Variants in RBFOX1 observed in about 807,000 individuals in gnomAD.
RBFOX1 encodes RNA binding fox-1 homolog 1.
RBFOX1 carries 8 observed loss-of-function variants against 57.7 expected under a neutral mutation model. That is an observed-to-expected ratio of 0.14 (90% CI 0.08 to 0.25). The LOEUF (loss-of-function observed/expected upper bound fraction) is 0.25. RBFOX1 is among the 10% of genes least tolerant of loss of function. RBFOX1 has a pLI of 1.00. For synonymous variants in RBFOX1, 326 were observed against 222.4 expected, an observed-to-expected ratio of 1.47 and a Z score of -4.15; for missense variants, 611 against 548.5, an observed-to-expected ratio of 1.11 and a Z score of -1.14.
intron 3 of RBFOX1, among the ~76,000 whole-genome samples, chr16:6,826,848 C>G (rs1353753716): frequency 6.6e-6 from 1 of 151,954 alleles, no homozygotes; most frequent in Non-Finnish European, 1.5e-5. Context: ...AATTGAAATC[C>G]TCAAACGCAG....
chr16:6,735,168 TCAA>T (rs1160248832), intron 3 of RBFOX1, among the ~76,000 whole-genome samples: 2 of 137,118 alleles, frequency 1.5e-5, no homozygotes, highest in Admixed American at 7.1e-5. Context: ...AACAACAACA[TCAA>T]CAACAACAAC....
At chr16:7,478,282 G>A (rs543605930) in intron 4 of RBFOX1, among the ~76,000 whole-genome samples, 8 of 152,310 alleles carry the variant, frequency 5.3e-5, no homozygotes, top group African/African-American at 1.9e-4. Context: ...AGAACACAAA[G>A]AGGGCAGAGA....
intron 4 of RBFOX1, among the ~76,000 whole-genome samples, chr16:7,263,741 C>CA (rs375284461): frequency 6.6e-6 from 1 of 151,826 alleles, no homozygotes; most frequent in East Asian, 1.9e-4. Context: ...ACTAAAAATA[C>CA]AAAAATTAGC....
chr16:6,364,095 C>G (rs565885714), intron 2 of RBFOX1, among the ~76,000 whole-genome samples: 1 of 152,164 alleles, frequency 6.6e-6, no homozygotes, highest in East Asian at 1.9e-4. Flanking sequence ...AAGGTTTAGC[C>G]TACCCCTCTT....
At chr16:7,703,730 A>T (rs189778017) in intron 14 of RBFOX1, among the ~76,000 whole-genome samples, 123 of 152,318 alleles carry the variant, frequency 8.1e-4, no homozygotes, top group African/African-American at 2.8e-3. Context: ...ACACGGGTTT[A>T]TATTCCCATT....
intron 1 of RBFOX1, among the ~76,000 whole-genome samples, chr16:5,295,435 C>T (rs185300538): frequency 2.0e-5 from 3 of 152,334 alleles, no homozygotes; most frequent in East Asian, 1.9e-4. Context: ...GGAATCTAGG[C>T]GTGACTCAGC....
chr16:6,535,656 C>T (rs533755109), intron 2 of RBFOX1, among the ~76,000 whole-genome samples: 4 of 152,292 alleles, frequency 2.6e-5, no homozygotes, highest in African/African-American at 9.6e-5. Flanking sequence ...CTCCAGGCTT[C>T]TTGTAAAGAC....
At chr16:6,459,984 C>CAAAAAAAAAAAAAAAAAAAAAAAAAA (rs149424076) in intron 2 of RBFOX1, among the ~76,000 whole-genome samples, 5 of 47,684 alleles carry the variant, frequency 1.0e-4, no homozygotes, top group Admixed American at 4.1e-4. Context: ...AACTCCATCT[C>CAAAAAAAAAAAAAAAAAAAAAAAAAA]AAAAAAAAAA....
chr16:7,636,079 G>T (rs2061707907), intron 11 of RBFOX1, among the ~76,000 whole-genome samples: 1 of 152,222 alleles, frequency 6.6e-6, no homozygotes, highest in South Asian at 2.1e-4. Context: ...CACAGTGGTG[G>T]GATTGCAGGC....
At chr16:6,045,616 A>C (rs2095487395) in intron 1 of RBFOX1, among the ~76,000 whole-genome samples, 1 of 152,222 alleles carries the variant, frequency 6.6e-6, no homozygotes, top group Non-Finnish European at 1.5e-5. Flanking sequence ...TGACAAAGAT[A>C]AATGAGGTTC....
At chr16:7,072,086 GTCTTTGTTCCTTTT>G (rs1303062018) in intron 4 of RBFOX1, among the ~76,000 whole-genome samples, 1 of 152,102 alleles carries the variant, frequency 6.6e-6, no homozygotes, top group Non-Finnish European at 1.5e-5. Context: ...CCGTTCTCTA[GTCTTTGTTCCTTTT>G]ACGGTAAACA....
At chr16:6,249,463 G>A (rs1051938989) in intron 1 of RBFOX1, among the ~76,000 whole-genome samples, 17 of 152,206 alleles carry the variant, frequency 1.1e-4, no homozygotes, top group East Asian at 7.7e-4. Context: ...GGCAGAGATT[G>A]TAGTGAGCCA....
chr16:5,732,678 T>C (rs1221149772), intron 3 of RBFOX1, among the ~76,000 whole-genome samples: 1 of 152,192 alleles, frequency 6.6e-6, no homozygotes, highest in Non-Finnish European at 1.5e-5. Context: ...CTTTAGTTAA[T>C]CTAAGATCAC....
At chr16:7,443,739 T>A (rs2098787794) in intron 4 of RBFOX1, among the ~76,000 whole-genome samples, 1 of 152,232 alleles carries the variant, frequency 6.6e-6, no homozygotes, top group African/African-American at 2.4e-5. Context: ...CAAACCTCTC[T>A]AAACCGAAAA....
intron 4 of RBFOX1, among the ~76,000 whole-genome samples, chr16:7,129,636 G>T (rs1011379395): frequency 6.6e-6 from 1 of 152,092 alleles, no homozygotes; most frequent in Non-Finnish European, 1.5e-5. Context: ...AGATCATGAG[G>T]AGGATAATGT....
chr16:5,548,188 T>TATATATATATATATAG (rs2045312209), intron 2 of RBFOX1, among the ~76,000 whole-genome samples: 1 of 131,440 alleles, frequency 7.6e-6, no homozygotes, highest in Non-Finnish European at 1.6e-5. Context: ...TATATATATA[T>TATATATATATATATAG]ATATATATAT....
At chr16:6,699,299 CT>C (rs36062118) in intron 3 of RBFOX1, among the ~76,000 whole-genome samples, 14,536 of 141,422 alleles carry the variant, frequency 0.1, 799 homozygotes, top group African/African-American at 0.16. Flanking sequence ...CCCTATGTTA[CT>C]TTTTTTTTTT....
intron 3 of RBFOX1, among the ~76,000 whole-genome samples, chr16:6,692,230 G>T (rs367546341): frequency 6.6e-6 from 1 of 152,156 alleles, no homozygotes; most frequent in African/African-American, 2.4e-5. Flanking sequence ...AACTAACTCA[G>T]TGACCTCCCT....
intron 4 of RBFOX1, among the ~76,000 whole-genome samples, chr16:7,333,766 C>G (rs990308052): frequency 1.7e-5 from 2 of 120,010 alleles, no homozygotes; most frequent in Non-Finnish European, 3.2e-5. Flanking sequence ...CAATTGGGGA[C>G]CTTTTTTTTT....
Sources: gnomAD v4.1 joint callset for allele counts (sites outside exome capture counted in the v4.1 genomes callset) on GRCh38, gnomAD v4.1.1 for gene constraint, MANE v1.5 for transcripts, NCBI Gene and HGNC (gene_info 2026-07-23, HGNC 2026-07-21) for gene names.